Variants in RSPH14 observed in about 807,000 individuals in gnomAD.
RSPH14 encodes the protein radial spoke head 14 homolog, also known as rhabdoid tumor deletion region gene 1.
In RSPH14, 20 loss-of-function variants were observed where a neutral mutation model predicts 26.7. The observed-to-expected ratio is 0.75, with a 90% CI of 0.53 to 1.09. The LOEUF is 1.09. Among genes scored for constraint, RSPH14 ranks in the 50% least tolerant of loss-of-function variants. The pLI, the probability that RSPH14 is intolerant of heterozygous loss-of-function variation, is 0.00. For missense variants in RSPH14, 449 were observed against 457.2 expected (o/e 0.98, Z 0.16); for synonymous variants, 177 against 189.3 (o/e 0.93, Z 0.53).
At chr22:23,130,104 A>AAAGG (rs2070299874) in intron 4 of RSPH14, among the ~76,000 whole-genome samples, 1 of 86,908 alleles carries the variant, frequency 1.2e-5, no homozygotes, top group Non-Finnish European at 2.5e-5. Context: ...AGAAAGAAAG[A>AAAGG]AAGAAAGAAA....
Position 23,061,872 on chromosome 22 carries a change from G to C in RSPH14, c.727C>G (p.Pro243Ala), listed in dbSNP as rs1474543736. The change falls in exon 6 of 7, where the codon CCA becomes GCA. Residue 243 changes from proline to alanine, a missense_variant. Coordinates refer to ENST00000216036, the MANE Select transcript of RSPH14 (RefSeq NM_014433.3). The part of the protein sequence containing the change: ...IPILVHLLKD[P>A]VEHVKSNAAG... ...GCGTTAGACTTCACATGCTCCACTGGGTCTTTCAGCAGATGGACCAGGATG... is the reference window on the plus strand; with the variant it reads ...GCGTTAGACTTCACATGCTCCACTGCGTCTTTCAGCAGATGGACCAGGATG... The C allele has an allele frequency of 6.2e-7, 1 of 1,613,996 alleles. No individual in the cohort carries two copies. The highest frequency in any genetic ancestry group is 2.2e-5 in the East Asian group (1 of 44,890).
intron 4 of RSPH14, among the ~76,000 whole-genome samples, chr22:23,127,903 G>A (rs5751587): frequency 0.49 from 74,018 of 151,982 alleles, 18,660 homozygotes; most frequent in Middle Eastern, 0.58. Flanking sequence ...GGGCCCAGGC[G>A]CATCCTTGCT....
At chr22:23,101,243 C>T (rs114782378) in intron 4 of RSPH14, among the ~76,000 whole-genome samples, 185 of 151,624 alleles carry the variant, frequency 1.2e-3, no homozygotes, top group East Asian at 4.2e-3. Flanking sequence ...CTTCACATAC[C>T]GCAGGGCTGA....
chr22:23,059,491 C>G lies in RSPH14; in HGVS notation c.1018G>C (p.Ala340Pro). Reference protein sequence around the residue: ...AEALQRAARIAISVIEFKP With the variant: ...AEALQRAARIPISVIEFKP ...GGTTTGAACTCGATGACACTGATGG[C>G]GATCCGGGCTGCCCGCTGTAAGGCT... The change falls in exon 7 of 7, where the codon GCC becomes CCC. Residue 340 changes from alanine (A) to proline (P), a missense_variant. Ala to Pro is a conservative substitution (Grantham distance 27). Transcript: ENST00000216036. The G allele has an allele frequency of 6.2e-7, 1 of 1,612,066 alleles. No homozygotes were observed. The highest frequency in any genetic ancestry group is 2.2e-5 in the East Asian group (1 of 44,820).
chr22:23,101,716 AC>A (rs1168083589), intron 4 of RSPH14, among the ~76,000 whole-genome samples: 1 of 152,118 alleles, frequency 6.6e-6, no homozygotes, highest in African/African-American at 2.4e-5. Flanking sequence ...AGTTATCATG[AC>A]CCTGGAACAG....
chr22:23,170,094 A>C, the RSPH14 span, among the ~76,000 whole-genome samples: 1 of 8,014 alleles, frequency 1.2e-4, no homozygotes, highest in African/African-American at 6.8e-4. Flanking sequence ...AAGACCCTTT[A>C]AAAAAAAAAA....
chr22:23,129,340 A>G (rs1278960752), intron 4 of RSPH14, among the ~76,000 whole-genome samples: 1 of 151,538 alleles, frequency 6.6e-6, no homozygotes, highest in South Asian at 2.1e-4. Context: ...CACTCAGTAA[A>G]CCCCGCGATG....
the RSPH14 span, chr22:23,153,219 A>G: frequency 9.7e-7 from 1 of 1,031,856 alleles, no homozygotes; most frequent in South Asian, 1.3e-5. Context: ...CACTGTGTCC[A>G]TGTCAAGGAG....
upstream of RSPH14, chr22:23,149,990 C>T: frequency 8.3e-7 from 1 of 1,200,766 alleles, no homozygotes; most frequent in South Asian, 1.3e-5. Flanking sequence ...GATCATCTCC[C>T]CTCACTGCTT....
chr22:23,116,788 G>A (rs1296205702), intron 4 of RSPH14, among the ~76,000 whole-genome samples: 1 of 152,208 alleles, frequency 6.6e-6, no homozygotes. Flanking sequence ...TGGGGAAGGA[G>A]TGGGGTGTGG....
intron 4 of RSPH14, among the ~76,000 whole-genome samples, chr22:23,106,809 A>G (rs962244748): frequency 6.6e-6 from 1 of 152,192 alleles, no homozygotes. Context: ...GTTTCAGGAA[A>G]AGTTGTCCCT....
intron 4 of RSPH14, among the ~76,000 whole-genome samples, chr22:23,102,555 A>G (rs1217899985): frequency 6.6e-6 from 1 of 152,164 alleles, no homozygotes; most frequent in Non-Finnish European, 1.5e-5. Context: ...GGTCAGCCAC[A>G]AGGCAAGAGG....
At chr22:23,080,138 A>T (rs1199152754) in intron 4 of RSPH14, among the ~76,000 whole-genome samples, 1 of 152,056 alleles carries the variant, frequency 6.6e-6, no homozygotes, top group East Asian at 1.9e-4. Flanking sequence ...TGTCATGGCC[A>T]CCCTCTCCTC....
chr22:23,150,491 C>T, the RSPH14 span, among the ~76,000 whole-genome samples: 4 of 151,806 alleles, frequency 2.6e-5, no homozygotes, highest in Admixed American at 2.0e-4. Flanking sequence ...TTAGTAGAGA[C>T]GGGGTTTCAC....
At chr22:23,129,996 G>GAGAA (rs1174894844) in intron 4 of RSPH14, among the ~76,000 whole-genome samples, 1 of 149,088 alleles carries the variant, frequency 6.7e-6, no homozygotes, top group Non-Finnish European at 1.5e-5. Flanking sequence ...AAGAGAGAAA[G>GAGAA]AGAAAGAAAG....
chr22:23,164,643 A>T, the RSPH14 span, among the ~76,000 whole-genome samples: 3 of 152,130 alleles, frequency 2.0e-5, no homozygotes, highest in Admixed American at 2.0e-4. Flanking sequence ...GGGCCCAGGC[A>T]AGCAGCCCCC....
intron 4 of RSPH14, among the ~76,000 whole-genome samples, chr22:23,082,959 A>G (rs1329976353): frequency 6.6e-6 from 1 of 152,052 alleles, no homozygotes; most frequent in African/African-American, 2.4e-5. Flanking sequence ...AGTGGTCAAG[A>G]TCATATTAAG....
chr22:23,171,759 T>C, the RSPH14 span, among the ~76,000 whole-genome samples: 2 of 149,452 alleles, frequency 1.3e-5, 1 homozygote, highest in South Asian at 4.2e-4. Context: ...AGAGAATCGC[T>C]TGAAACTGGG....
intron 4 of RSPH14, among the ~76,000 whole-genome samples, chr22:23,091,568 G>A (rs985757041): frequency 6.9e-6 from 1 of 144,872 alleles, no homozygotes; most frequent in Admixed American, 7.0e-5. Flanking sequence ...ACATGCACAC[G>A]CACCGCAGTG....
Sources: allele counts gnomAD v4.1 joint callset (sites outside exome capture counted in the v4.1 genomes callset), GRCh38; gene constraint gnomAD v4.1.1; transcripts MANE v1.5; gene names NCBI Gene and HGNC (gene_info 2026-07-23, HGNC 2026-07-21).